The following CACNA1E variants were observed in gnomAD, a reference collection of about 807,000 sequenced individuals.
CACNA1E encodes voltage-dependent R-type calcium channel subunit alpha-1E.
Under a neutral mutation model 259.2 loss-of-function variants are expected in CACNA1E, and 40 were observed. That is an observed-to-expected ratio of 0.15 (90% CI 0.12 to 0.20). The LOEUF (loss-of-function observed/expected upper bound fraction) is 0.20, where lower values mean the gene tolerates loss of function less well. Among genes scored for constraint, CACNA1E ranks in the 10% least tolerant of loss-of-function variants. The pLI, the probability that CACNA1E is intolerant of heterozygous loss-of-function variation, is 1.00. For synonymous variants in CACNA1E, 1,104 were observed against 1,138.5 expected (o/e 0.97, Z 0.61); for missense variants, 1,874 against 3,040.1 (o/e 0.62, Z 9.02).
chr1:181,606,158 T>C (rs1395355614), intron 6 of CACNA1E, among the ~76,000 whole-genome samples: 1 of 152,146 alleles, frequency 6.6e-6, no homozygotes, highest in Non-Finnish European at 1.5e-5. Context: ...ATGAGTTGAA[T>C]TTCTATTTCC....
intron 6 of CACNA1E, among the ~76,000 whole-genome samples, chr1:181,585,110 T>G (rs1651930041): frequency 6.6e-6 from 1 of 152,206 alleles, no homozygotes; most frequent in Non-Finnish European, 1.5e-5. Flanking sequence ...TGGAATTGGA[T>G]ACTAGTATCT....
chr1:181,494,596 C>A (rs1326473504), intron 1 of CACNA1E, among the ~76,000 whole-genome samples: 4 of 152,196 alleles, frequency 2.6e-5, no homozygotes, highest in Non-Finnish European at 5.9e-5. Context: ...TCAGGCTCTA[C>A]TTCAAACAAG....
chr1:181,602,197 A>G (rs1221454649), intron 6 of CACNA1E, among the ~76,000 whole-genome samples: 1 of 152,176 alleles, frequency 6.6e-6, no homozygotes, highest in Non-Finnish European at 1.5e-5. Context: ...TCTATTGGCT[A>G]AGTGATCCCA....
rs1375744952 is a variant in CACNA1E at position 181,577,642 on chromosome 1, A to G, written c.513-124A>G. The G allele has an allele frequency of 1.1e-5, 6 of 561,178 alleles. No individual in the cohort carries two copies. In the East Asian group the frequency reaches 1.6e-4, roughly 15 times the overall value. The allele number at this position is 561,178 out of a possible 1,614,324, so 34.8% of individuals were successfully genotyped here. A position where few individuals can be genotyped will look rare whatever the true frequency, so the allele number is the denominator to read the frequency against. The stretch of plus-strand genomic sequence containing the variant: ...GATTCACCCAAGCTCAGGTGCACCC[A>G]CATACAGCTGGCGTCAGCGCTGTGT... On this transcript the variant is annotated intron_variant, in intron 3 of 47. Coordinates refer to ENST00000367573, the MANE Select transcript of CACNA1E (RefSeq NM_001205293.3).
At chr1:181,503,806 T>C (rs1258190360) in intron 1 of CACNA1E, among the ~76,000 whole-genome samples, 2 of 152,244 alleles carry the variant, frequency 1.3e-5, no homozygotes, top group Middle Eastern at 3.2e-3. Flanking sequence ...TAACCCTTCA[T>C]TGACTCTTGA....
chr1:181,370,094 T>G (rs911728384), intron 1 of CACNA1E, among the ~76,000 whole-genome samples: 1 of 152,056 alleles, frequency 6.6e-6, no homozygotes, highest in Non-Finnish European at 1.5e-5. Flanking sequence ...GTTTGCAAAA[T>G]TGAAAGACTA....
intron 13 of CACNA1E, 74 bp downstream of exon 13, chr1:181,719,937 C>T (rs533713084): frequency 3.3e-6 from 3 of 902,042 alleles, no homozygotes; most frequent in South Asian, 3.3e-5. Flanking sequence ...TATTTTCTTC[C>T]ATCTTCTCTT....
intron 5 of CACNA1E, among the ~76,000 whole-genome samples, chr1:181,580,224 C>T (rs1215450409): frequency 6.6e-6 from 1 of 152,220 alleles, no homozygotes; most frequent in Non-Finnish European, 1.5e-5. Context: ...CCAGGAAGAA[C>T]TCAGGGCTCA....
chr1:181,330,713 G>A (rs1004399084), intron 1 of CACNA1E, among the ~76,000 whole-genome samples: 9 of 152,172 alleles, frequency 5.9e-5, no homozygotes, highest in African/African-American at 9.7e-5. Context: ...AAGCAGCCAG[G>A]GAGTCAGTGC....
chr1:181,331,246 T>C (rs1651238443), intron 1 of CACNA1E, among the ~76,000 whole-genome samples: 1 of 150,684 alleles, frequency 6.6e-6, no homozygotes, highest in Non-Finnish European at 1.5e-5. Flanking sequence ...ATAGACAATA[T>C]CTTTCTATCT....
chr1:181,455,303 G>C (rs1661390633), intron 2 of CACNA1E, among the ~76,000 whole-genome samples: 2 of 152,186 alleles, frequency 1.3e-5, no homozygotes, highest in African/African-American at 2.4e-5. Flanking sequence ...TTTTTGAGGA[G>C]TGGAGTGCTC....
intron 17 of CACNA1E, among the ~76,000 whole-genome samples, chr1:181,725,471 C>T (rs140449229): frequency 1.8e-4 from 27 of 152,352 alleles, no homozygotes; most frequent in African/African-American, 5.8e-4. Context: ...CCATAGCATG[C>T]TCTGAAGATG....
intron 22 of CACNA1E, among the ~76,000 whole-genome samples, chr1:181,736,712 T>C (rs1355427048): frequency 6.6e-6 from 1 of 152,194 alleles, no homozygotes; most frequent in Admixed American, 6.5e-5. Flanking sequence ...CAGTCTTTGG[T>C]CAGTAGGTAG....
At chr1:181,713,045 G>A (rs753723100) in intron 8 of CACNA1E, among the ~76,000 whole-genome samples, 3 of 152,174 alleles carry the variant, frequency 2.0e-5, no homozygotes, top group East Asian at 1.9e-4. Context: ...CAAATGGAGC[G>A]CCAGTGAATC....
chr1:181,570,460 T>C (rs1650297337), intron 3 of CACNA1E, among the ~76,000 whole-genome samples: 2 of 152,248 alleles, frequency 1.3e-5, no homozygotes, highest in South Asian at 4.1e-4. Context: ...TAGTTTCCTA[T>C]AGCTTCTGTA....
chr1:181,517,790 G>A (rs188506881), intron 3 of CACNA1E, among the ~76,000 whole-genome samples: 169 of 152,240 alleles, frequency 1.1e-3, no homozygotes, highest in Admixed American at 2.4e-3. Context: ...TATTTTTAGA[G>A]GGTTTTCTGT....
intron 1 of CACNA1E, among the ~76,000 whole-genome samples, chr1:181,509,512 A>G (rs1572056563): frequency 1.3e-5 from 2 of 152,204 alleles, no homozygotes; most frequent in East Asian, 3.9e-4. Flanking sequence ...GACCAGCTGC[A>G]GTAGCTAACT....
chr1:181,614,503 T>C (rs1477261349), intron 6 of CACNA1E, among the ~76,000 whole-genome samples: 1 of 152,194 alleles, frequency 6.6e-6, no homozygotes, highest in Non-Finnish European at 1.5e-5. Flanking sequence ...CTGGAGACAA[T>C]TGCTCACTCA....
chr1:181,657,371 A>G (rs1659290393), intron 7 of CACNA1E, among the ~76,000 whole-genome samples: 1 of 152,166 alleles, frequency 6.6e-6, no homozygotes, highest in Non-Finnish European at 1.5e-5. Flanking sequence ...GGAAAGATAA[A>G]GACATTTCAG....
Sources: allele counts gnomAD v4.1 joint callset (sites outside exome capture counted in the v4.1 genomes callset), GRCh38; gene constraint gnomAD v4.1.1; transcripts MANE v1.5; gene names NCBI Gene and HGNC (gene_info 2026-07-23, HGNC 2026-07-21).